ABCA7: variants seen among roughly 807,000 people sequenced by gnomAD.
The protein encoded by ABCA7 is phospholipid-transporting ATPase ABCA7.
Under a neutral mutation model 227.6 loss-of-function variants are expected in ABCA7, and 261 were observed. That is an observed-to-expected ratio of 1.15 (90% CI 1.04 to 1.27). The LOEUF is 1.27. Among genes scored for constraint, ABCA7 ranks in the 50% most tolerant of loss-of-function variants. The pLI is 0.00. For synonymous variants in ABCA7, 1,488 were observed against 1,279.7 expected (o/e 1.16, Z -3.47); for missense variants, 3,331 against 2,924.5 (o/e 1.14, Z -3.21).
Position 1,045,316 on chromosome 19 carries a change from T to G in ABCA7, c.1445+85T>G, listed in dbSNP as rs1228367755. On this transcript the variant is annotated intron_variant, in intron 12 of 46. Coordinates refer to ENST00000263094, the MANE Select transcript of ABCA7 (RefSeq NM_019112.4). The stretch of plus-strand genomic sequence containing the variant: ...TGGGGCCAGGCAGCATTCAGCCTAT[T>G]GGAGACCATGATAGACAGGATCTGG... 3.9e-6 allele frequency: 5 copies of G among 1,279,926 alleles called. No individual in the cohort carries two copies. The African/African-American group carries it at 7.3e-5, about 19-fold the overall frequency. The allele number at this position is 1,279,926 out of a possible 1,614,324, so 79.3% of individuals were successfully genotyped here.
chr19:1,040,544 C>T (rs2039924044), intron 1 of ABCA7, among the ~76,000 whole-genome samples: 1 of 152,312 alleles, frequency 6.6e-6, no homozygotes, highest in East Asian at 1.9e-4. Context: ...GTCTGAGGTC[C>T]CAGTTCCGGC....
chr19:1,049,466 A>AG lies in ABCA7; in HGVS notation c.2552+30dup, dbSNP rs758798850. 6.8e-3 allele frequency: 7,703 copies of AG among 1,135,416 alleles called. 1,226 individuals carry two copies. The East Asian group carries it at 0.085, about 12-fold the overall frequency. The allele number at this position is 1,135,416 out of a possible 1,614,324, so 70.3% of individuals were successfully genotyped here. A position where few individuals can be genotyped will look rare whatever the true frequency, so the allele number is the denominator to read the frequency against. ...AGCCCCCAACCACTCCCTCCCCGTG[A>AG]GCCCCCCCACTCCCACCCCGTGAGC... On this transcript the variant is annotated intron_variant, in intron 18 of 46. Coordinates refer to ENST00000263094, the MANE Select transcript of ABCA7 (RefSeq NM_019112.4).
chr19:1,047,739 G>A (rs1474871652), intron 16 of ABCA7, 85 bp downstream of exon 16: 2 of 1,378,526 alleles, frequency 1.5e-6, no homozygotes, highest in East Asian at 2.6e-5. Flanking sequence ...CAGGCCGTTT[G>A]GGGGTGGGGG....
In ABCA7 at chr19:1,054,349, G is replaced by A; in HGVS notation, c.3726+8G>A. 6.3e-7 allele frequency: 1 copy of A among 1,587,848 alleles called. No homozygotes were observed. The highest frequency in any genetic ancestry group is 8.5e-7 in the Non-Finnish European group (1 of 1,172,432). Reference sequence around the variant, plus strand: ...CGCGGCCTGTTCGCCCAGGTGAGGAGGGCTAGCACCAGGGAGTCGCATGGG... The same window carrying A: ...CGCGGCCTGTTCGCCCAGGTGAGGAAGGCTAGCACCAGGGAGTCGCATGGG... On this transcript the variant is annotated splice_region_variant and intron_variant, in intron 27 of 46. Coordinates refer to ENST00000263094, the MANE Select transcript of ABCA7 (RefSeq NM_019112.4). The surrounding 1 kb of genome is among the most constrained non-coding windows in gnomAD (Gnocchi z 4.8).
chr19:1,064,390 T>C, intron 45 of ABCA7, 137 bp downstream of exon 45: 1 of 1,031,726 alleles, frequency 9.7e-7, no homozygotes, highest in East Asian at 2.8e-5. Flanking sequence ...TAGATTGTCC[T>C]GCAGGGGTGA....
At chr19:1,043,886 G>A (rs1399473784) in intron 10 of ABCA7, 45 bp downstream of exon 10, 2 of 1,574,024 alleles carry the variant, frequency 1.3e-6, no homozygotes, top group African/African-American at 2.7e-5. Context: ...CCCCGGTGAG[G>A]AGGGTAGACA....
At chr19:1,051,371 T>A in intron 20 of ABCA7, 77 bp downstream of exon 20, 1 of 1,595,672 alleles carries the variant, frequency 6.3e-7, no homozygotes, top group Non-Finnish European at 8.5e-7. Flanking sequence ...GGAAGCCGGG[T>A]ACTGAGGTCC....
chr19:1,044,585 G>C lies in ABCA7; in HGVS notation c.1056G>C (p.Leu352=), dbSNP rs1420901781. The C allele has an allele frequency of 6.2e-7, 1 of 1,611,558 alleles. No individual in the cohort carries two copies. Among genetic ancestry groups the C allele is most frequent in the Non-Finnish European group, 8.5e-7 (1 of 1,179,124 alleles). ...SSNVAMLQRL[L]QMQDEGRRQP... ...TCACCTGCGCCCCCCAGCGGCTCCT[G>C]CAGATGCAGGATGAAGGAAGAAGGC... The change falls in exon 11 of 47, where the codon CTG becomes CTC. Residue 352 remains leucine, a synonymous_variant. Transcript: ENST00000263094.
At chr19:1,046,516 G>A in intron 13 of ABCA7, 110 bp downstream of exon 13, 18 of 1,423,262 alleles carry the variant, frequency 1.3e-5, no homozygotes, top group Non-Finnish European at 1.4e-5. Flanking sequence ...TGCGAACTTT[G>A]CACCTTTACA....
rs2042456169 is a variant in ABCA7 at position 1,058,802 on chromosome 19, C to T, written c.5280-18C>T. 3 of 1,590,904 alleles carry T rather than the reference C, an allele frequency of 1.9e-6. No homozygotes were observed. In the African/African-American group the frequency reaches 4.1e-5, roughly 21 times the overall value. ...GGGCCAAGGACCTACTTTAAGCCCA[C>T]AGATATTCTGTCCCCAGGCCCAGGG... On this transcript the variant is annotated intron_variant, in intron 38 of 46. Transcript: ENST00000263094.
In ABCA7 at chr19:1,064,983, C is replaced by A. The variant is rs1307063409; in HGVS notation, c.6097C>A (p.Pro2033Thr). ...GCGGGTGCCCGCCGCAAGGTCCCAG[C>A]CGGCAGCGGCCTTCGTGGCGGCCGA... ...TLRVPAARSQ[P>T]AAAFVAAEFP... The change falls in exon 46 of 47, where the codon CCG becomes ACG. Residue 2033 changes from proline to threonine, a missense_variant. Coordinates refer to ENST00000263094, the MANE Select transcript of ABCA7 (RefSeq NM_019112.4). The A allele has an allele frequency of 3.2e-6, 5 of 1,554,384 alleles. No individual in the cohort carries two copies. The highest frequency in any genetic ancestry group is 2.4e-5 in the South Asian group (2 of 84,858).
intron 18 of ABCA7, among the ~76,000 whole-genome samples, chr19:1,050,421 A>G (rs115550680): frequency 0.016 from 2,427 of 149,508 alleles, 83 homozygotes; most frequent in African/African-American, 0.057. Flanking sequence ...CAAAAAAATA[A>G]AAATAAACAA....
rs767428809 is a variant in ABCA7, at chr19:1,065,264, C to A, written c.6286-6C>A. 4.5e-5 allele frequency: 73 copies of A among 1,612,838 alleles called. No homozygotes were observed. Among genetic ancestry groups the A allele is most frequent in the Non-Finnish European group, 3.8e-5 (45 of 1,179,878 alleles). On this transcript the variant is annotated splice_polypyrimidine_tract_variant and splice_region_variant and intron_variant, in intron 46 of 46. Coordinates refer to ENST00000263094, the MANE Select transcript of ABCA7 (RefSeq NM_019112.4). ...CTCTTGTCCCCTCTGGGCTGCCCAC[C>A]GCTAGGTATTCTTGTACTTCTCCAA...
In ABCA7 at chr19:1,063,547, G is replaced by A. The variant is rs375389773; in HGVS notation, c.5716G>A (p.Ala1906Thr). 1.1e-5 allele frequency: 18 copies of A among 1,610,074 alleles called. No homozygotes were observed. The highest frequency in any genetic ancestry group is 8.3e-5 in the Admixed American group (5 of 59,984). ...GVPEAQVAQT[A>T]GSGLARLGLS... ...CTACTCTGGCCCCACCCCACAGACC[G>A]CTGGCTCGGGCCTGGCGCGTCTGGG... Residue 1906 changes from alanine to threonine, a missense_variant, in exon 43 of 47, where the codon GCT becomes ACT. Coordinates refer to ENST00000263094, the MANE Select transcript of ABCA7 (RefSeq NM_019112.4).
In ABCA7 at chr19:1,058,889, G is replaced by T; in HGVS notation, c.5349G>T (p.Val1783=). 2 of 1,584,036 alleles carry T rather than the reference G, an allele frequency of 1.3e-6. No individual in the cohort carries two copies. The highest frequency in any genetic ancestry group is 1.7e-6 in the Non-Finnish European group (2 of 1,161,142). ...DEDVARERER[V]VQGATQGDVL... ...ATGTAGCCCGTGAACGGGAGCGGGTGGTCCAAGGAGCCACCCAGGGGGATG... is the reference window on the plus strand; with the variant it reads ...ATGTAGCCCGTGAACGGGAGCGGGTTGTCCAAGGAGCCACCCAGGGGGATG... Residue 1783 remains valine (V), a synonymous_variant, in exon 39 of 47, where the codon GTG becomes GTT. Coordinates refer to ENST00000263094, the MANE Select transcript of ABCA7 (RefSeq NM_019112.4).
At position 1,045,243 on chromosome 19, in the gene ABCA7, GA is replaced by G; in HGVS notation, c.1445+13del. 6.3e-7 allele frequency: 1 copy of G among 1,590,912 alleles called. No individual in the cohort carries two copies. Among genetic ancestry groups the G allele is most frequent in the Non-Finnish European group, 8.6e-7 (1 of 1,163,872 alleles). On this transcript the variant is annotated intron_variant, in intron 12 of 46. Transcript: ENST00000263094. ...AAGATCAGGGACAGGTCAGGCGAGG[GA>G]GGGGGCGGGGGGATGAGGGACTGGG...
At chr19:1,059,903 A>G (rs541930874) in intron 40 of ABCA7, among the ~76,000 whole-genome samples, 2 of 152,288 alleles carry the variant, frequency 1.3e-5, no homozygotes, top group South Asian at 2.1e-4. Flanking sequence ...TTAAGCACCT[A>G]CTGCATGCTT....
At chr19:1,045,538 G>C in intron 12 of ABCA7, 1 of 386,664 alleles carries the variant, frequency 2.6e-6, no homozygotes. Flanking sequence ...AGCTAAAATT[G>C]CACCGGGTGC....
chr19:1,049,021 G>C lies in ABCA7; in HGVS notation c.2380+16G>C, dbSNP rs1473332655. 6.8e-7 allele frequency: 1 copy of C among 1,472,030 alleles called. No homozygotes were observed. Among genetic ancestry groups the C allele is most frequent in the Non-Finnish European group, 9.3e-7 (1 of 1,080,110 alleles). 91.2% of individuals were successfully genotyped at this position (1,472,030 alleles called of 1,614,324 possible). ...GACCCAAAGGGTGAGGCACTACGAG[G>C]CTTAATAGCTGGTTGTCCACATATG... On this transcript the variant is annotated intron_variant, in intron 17 of 46. Transcript: ENST00000263094.
Sources: gnomAD v4.1 joint callset for allele counts (sites outside exome capture counted in the v4.1 genomes callset) on GRCh38, gnomAD v4.1.1 for gene constraint, Gnocchi (gnomAD v3.1) non-coding constraint, MANE v1.5 for transcripts, NCBI Gene and HGNC (gene_info 2026-07-23, HGNC 2026-07-21) for gene names.